Variants in NARS1 observed in about 807,000 individuals in gnomAD.
NARS1 encodes the protein asparagine--tRNA ligase, cytoplasmic.
NARS1 carries 65 observed loss-of-function variants against 79.2 expected under a neutral mutation model. That is an observed-to-expected ratio of 0.82 (90% CI 0.67 to 1.01). The LOEUF (loss-of-function observed/expected upper bound fraction) is 1.01, where lower values mean the gene tolerates loss of function less well. NARS1 is among the 50% of genes least tolerant of loss of function. The pLI, the probability that NARS1 is intolerant of heterozygous loss-of-function variation, is 0.00. For synonymous variants in NARS1, 229 were observed against 238.8 expected (o/e 0.96, Z 0.38); for missense variants, 649 against 673.8 (o/e 0.96, Z 0.41).
intron 2 of NARS1, among the ~76,000 whole-genome samples, chr18:57,616,356 C>T (rs1242399982): frequency 6.6e-6 from 1 of 150,446 alleles, no homozygotes; most frequent in Non-Finnish European, 1.5e-5. Flanking sequence ...GGAGGCGGAG[C>T]TTGCAGTGAG....
At chr18:57,609,182 G>A (rs1223129432) in intron 7 of NARS1, among the ~76,000 whole-genome samples, 175 bp downstream of exon 7, 1 of 152,180 alleles carries the variant, frequency 6.6e-6, no homozygotes, top group African/African-American at 2.4e-5. Flanking sequence ...ACTTCATCTT[G>A]TGATCTTGTG....
Position 57,606,579 on chromosome 18 carries a change from G to C in NARS1, c.1137+37C>G, listed in dbSNP as rs755243495. 12 of 1,580,404 alleles carry C rather than the reference G, an allele frequency of 7.6e-6. No homozygotes were observed. The South Asian group carries it at 1.3e-4, about 17-fold the overall frequency. On this transcript the variant is annotated intron_variant, in intron 10 of 13. Transcript: ENST00000256854. ...AAGACTTCATTGTCTTCCAAAAAAG[G>C]ACTGTGACTTTTTCTTTCCATAAAC...
intron 11 of NARS1, among the ~76,000 whole-genome samples, chr18:57,603,769 C>G (rs2051530475): frequency 7.2e-6 from 1 of 138,962 alleles, no homozygotes; most frequent in Non-Finnish European, 1.6e-5. Context: ...GCCCTTGCGT[C>G]CTCGGAGACG....
At chr18:57,606,480 A>C in intron 10 of NARS1, 136 bp downstream of exon 10, 1 of 811,612 alleles carries the variant, frequency 1.2e-6, no homozygotes, top group Non-Finnish European at 1.9e-6. Context: ...GACTAACATC[A>C]AATTCTAGTC....
Position 57,606,742 on chromosome 18 carries a change from G to A in NARS1, c.1011C>T (p.His337=), listed in dbSNP as rs747987253. The change falls in exon 10 of 14, where the codon CAC becomes CAT. Residue 337 remains histidine (H), a synonymous_variant. Coordinates refer to ENST00000256854, the MANE Select transcript of NARS1 (RefSeq NM_004539.4). ...TCAGGAAAGGACACTCAGCTTCCAC[G>A]TGAGTGTACCTGAAGAACGAGACAA... ...RTRRHLAEYT[H]VEAECPFLTF... is the part of the protein sequence containing the mutation. 19 of 1,614,016 alleles carry A rather than the reference G, an allele frequency of 1.2e-5. No individual in the cohort carries two copies. Among genetic ancestry groups the A allele is most frequent in the South Asian group, 7.7e-5 (7 of 91,092 alleles).
At chr18:57,620,200 G>A (rs1908240846) in intron 2 of NARS1, among the ~76,000 whole-genome samples, 1 of 152,052 alleles carries the variant, frequency 6.6e-6, no homozygotes, top group South Asian at 2.1e-4. Flanking sequence ...TCTGGATTGT[G>A]GTAAATTCAC....
chr18:57,620,476 G>C (rs1277666186), intron 2 of NARS1, 93 bp downstream of exon 2: 1 of 794,228 alleles, frequency 1.3e-6, no homozygotes, highest in African/African-American at 1.7e-5. Context: ...TTGGAACCTA[G>C]TGTTTGAAAT....
chr18:57,607,069 A>T, intron 9 of NARS1, 65 bp downstream of exon 9: 1 of 1,444,712 alleles, frequency 6.9e-7, no homozygotes, highest in Non-Finnish European at 9.4e-7. Flanking sequence ...TAATTTACCT[A>T]CACTAAGATT....
chr18:57,616,312 C>T (rs551119793), intron 2 of NARS1, among the ~76,000 whole-genome samples: 2 of 151,380 alleles, frequency 1.3e-5, no homozygotes, highest in Admixed American at 6.6e-5. Flanking sequence ...CCCAGCTACT[C>T]GGGAGGCTGA....
At position 57,615,805 on chromosome 18, in the gene NARS1, G is replaced by A; in HGVS notation, c.252+12C>T. 3 of 1,612,388 alleles carry A rather than the reference G, an allele frequency of 1.9e-6. 1 individual carries two copies. The East Asian group carries it at 6.7e-5, about 36-fold the overall frequency. ...CTTTAACAACGTTCACGATGGCAAG[G>A]TCAGGACTCACCTCTTTCTTTTCCC... On this transcript the variant is annotated intron_variant, in intron 3 of 13. Transcript: ENST00000256854.
rs2051496739 is a variant in NARS1, at chr18:57,600,725, G to A, written c.*927C>T. ...TATTGAGAATACATGACATGCATTTGGTGGAGAAATCAACTAAATCTGAAA... is the reference window on the plus strand; with the variant it reads ...TATTGAGAATACATGACATGCATTTAGTGGAGAAATCAACTAAATCTGAAA... On this transcript the variant is annotated 3_prime_UTR_variant, in exon 14 of 14. Coordinates refer to ENST00000256854, the MANE Select transcript of NARS1 (RefSeq NM_004539.4). The A allele has an allele frequency of 6.6e-6, 1 of 152,140 alleles. No individual in the cohort carries two copies. Among genetic ancestry groups the A allele is most frequent in the African/African-American group, 2.4e-5 (1 of 41,420 alleles). 9.4% of individuals were successfully genotyped at this position (152,140 alleles called of 1,614,324 possible).
chr18:57,609,356 C>A lies in NARS1; in HGVS notation c.579+1G>T. The A allele has an allele frequency of 6.2e-7, 1 of 1,611,930 alleles. No homozygotes were observed. Among genetic ancestry groups the A allele is most frequent in the Non-Finnish European group, 8.5e-7 (1 of 1,178,406 alleles). On this transcript the variant is annotated splice_donor_variant, in intron 7 of 13. Transcript: ENST00000256854. LOFTEE classifies it high-confidence loss of function. ...CCCAGTGCGAAACTCAATCCACTCA[C>A]CTGCTTGCCCTTTGGGGTAAGATTT...
At chr18:57,601,968 C>T (rs1296539637) in intron 13 of NARS1, among the ~76,000 whole-genome samples, 185 bp from the exon 14 acceptor site, 1 of 152,000 alleles carries the variant, frequency 6.6e-6, no homozygotes, top group Non-Finnish European at 1.5e-5. Flanking sequence ...ATGAACCATG[C>T]ATAAAGAAAT....
rs1304920883 is a variant in NARS1 at position 57,602,753 on chromosome 18, G to A, written c.1383+59C>T. 7 of 1,555,744 alleles carry A rather than the reference G, an allele frequency of 4.5e-6. No homozygotes were observed. The Admixed American group carries it at 5.2e-5, about 12-fold the overall frequency. Reference sequence around the variant, plus strand: ...GCATGAGCTGTACCTGATTCCAGATGACAGTCCCCACCCCCTTAAAAAGCA... The same window carrying A: ...GCATGAGCTGTACCTGATTCCAGATAACAGTCCCCACCCCCTTAAAAAGCA... On this transcript the variant is annotated intron_variant, in intron 12 of 13. Transcript: ENST00000256854.
intron 11 of NARS1, 94 bp from the exon 12 acceptor site, chr18:57,603,037 A>C (rs994371513): frequency 1.3e-5 from 16 of 1,246,172 alleles, no homozygotes; most frequent in Non-Finnish European, 1.8e-5. Flanking sequence ...TCCTCCTATC[A>C]ATTCAACAGA....
At position 57,607,282 on chromosome 18, in the gene NARS1, A is replaced by C; in HGVS notation, c.853T>G (p.Phe285Val). ...TCTTCCCCAAAATAGTCAAGCTTGA[A>C]GAGTGTGGCACCACCTTCTACTTGT... is the stretch of plus-strand genomic sequence containing the variant. ...QTQVEGGATL[F>V]KLDYFGEEAF... Residue 285 changes from phenylalanine (F) to valine (V), a missense_variant, in exon 9 of 14, where the codon TTC (phenylalanine) becomes GTC (valine). By Grantham distance (50) the Phe-to-Val change is conservative (BLOSUM62 -1). Coordinates refer to ENST00000256854, the MANE Select transcript of NARS1 (RefSeq NM_004539.4). 6.2e-7 allele frequency: 1 copy of C among 1,614,234 alleles called. No homozygotes were observed. The highest frequency in any genetic ancestry group is 8.5e-7 in the Non-Finnish European group (1 of 1,180,042).
intron 7 of NARS1, among the ~76,000 whole-genome samples, chr18:57,608,222 G>A (rs1399233815): frequency 2.0e-5 from 3 of 151,820 alleles, no homozygotes; most frequent in African/African-American, 4.8e-5. Context: ...TCACTGAGGC[G>A]GGTGGATAAC....
intron 2 of NARS1, among the ~76,000 whole-genome samples, chr18:57,616,727 G>C (rs1428122499): frequency 6.6e-6 from 1 of 152,028 alleles, no homozygotes; most frequent in Non-Finnish European, 1.5e-5. Context: ...AAGCGGCCGG[G>C]TGCAGTGGCT....
intron 11 of NARS1, 83 bp from the exon 12 acceptor site, chr18:57,603,026 T>C: frequency 1.4e-6 from 2 of 1,381,898 alleles, no homozygotes; most frequent in South Asian, 1.3e-5. Context: ...GTACCAGTCC[T>C]TCCTCCTATC....
Sources: allele counts gnomAD v4.1 joint callset (sites outside exome capture counted in the v4.1 genomes callset), GRCh38; gene constraint gnomAD v4.1.1; transcripts MANE v1.5; gene names NCBI Gene and HGNC (gene_info 2026-07-23, HGNC 2026-07-21).